PRICKLE1: variants seen among roughly 807,000 people sequenced by gnomAD.
The protein encoded by PRICKLE1 is prickle-like protein 1.
A neutral mutation model predicts 70.2 loss-of-function variants in PRICKLE1; 14 were observed. That is an observed-to-expected ratio of 0.20 (90% CI 0.13 to 0.31). PRICKLE1 has a LOEUF of 0.31. Ranked by LOEUF, PRICKLE1 falls within the 10% of genes least tolerant of loss-of-function variation. The probability of loss-of-function intolerance (pLI) is 1.00; values close to 1 mark genes in which losing one functional copy is unlikely to be tolerated. For missense variants in PRICKLE1, 821 were observed against 1,026.2 expected (o/e 0.80, Z 2.73); for synonymous variants, 357 against 379.9 (o/e 0.94, Z 0.70).
intron 1 of PRICKLE1, among the ~76,000 whole-genome samples, chr12:42,552,686 T>C (rs1180945777): frequency 2.0e-5 from 3 of 152,220 alleles, no homozygotes; most frequent in South Asian, 2.1e-4. Flanking sequence ...CTGTGAGTAG[T>C]AGTAGCAAGC....
chr12:42,578,411 G>A (rs1940838357), intron 1 of PRICKLE1, among the ~76,000 whole-genome samples: 1 of 152,036 alleles, frequency 6.6e-6, no homozygotes, highest in South Asian at 2.1e-4. Context: ...AGAGTGGCAT[G>A]GGTGTATTAT....
chr12:42,526,914 T>C (rs1478504393), intron 1 of PRICKLE1, among the ~76,000 whole-genome samples: 1 of 151,994 alleles, frequency 6.6e-6, no homozygotes, highest in African/African-American at 2.4e-5. Flanking sequence ...AATTACCAGA[T>C]GGAATCAAGA....
At chr12:42,503,399 AG>A (rs1939351209) in intron 1 of PRICKLE1, among the ~76,000 whole-genome samples, 1 of 152,164 alleles carries the variant, frequency 6.6e-6, no homozygotes, top group South Asian at 2.1e-4. Flanking sequence ...ATTGTACACA[AG>A]GGGATAGATT....
intron 1 of PRICKLE1, among the ~76,000 whole-genome samples, chr12:42,502,955 T>G (rs1426261779): frequency 6.6e-6 from 1 of 152,238 alleles, no homozygotes; most frequent in Non-Finnish European, 1.5e-5. Flanking sequence ...TTTTAAAGGT[T>G]TCTTAACCCT....
chr12:42,495,974 C>T (rs1337523950), intron 1 of PRICKLE1, among the ~76,000 whole-genome samples: 1 of 152,216 alleles, frequency 6.6e-6, no homozygotes, highest in Non-Finnish European at 1.5e-5. Flanking sequence ...TAACATCCTC[C>T]TGCGAATCAT....
intron 1 of PRICKLE1, among the ~76,000 whole-genome samples, chr12:42,501,453 T>C (rs1434766759): frequency 1.5e-5 from 2 of 137,302 alleles, no homozygotes; most frequent in Non-Finnish European, 3.0e-5. Context: ...GAGGTTGTAG[T>C]GAGCCAAGAT....
At chr12:42,573,382 C>T (rs1189008248) in intron 1 of PRICKLE1, among the ~76,000 whole-genome samples, 1 of 152,160 alleles carries the variant, frequency 6.6e-6, no homozygotes, top group Non-Finnish European at 1.5e-5. Context: ...ATTTATTCTT[C>T]TCTTTATTGA....
intron 1 of PRICKLE1, among the ~76,000 whole-genome samples, chr12:42,575,072 A>C (rs2120770039): frequency 6.6e-6 from 1 of 152,220 alleles, no homozygotes; most frequent in South Asian, 2.1e-4. Flanking sequence ...AAATGTCATA[A>C]AAGCATAATA....
chr12:42,504,929 C>T (rs1468053223), intron 1 of PRICKLE1, among the ~76,000 whole-genome samples: 1 of 151,976 alleles, frequency 6.6e-6, no homozygotes, highest in Non-Finnish European at 1.5e-5. Context: ...ATCACCAGGT[C>T]AGGGGTTTGA....
intron 1 of PRICKLE1, among the ~76,000 whole-genome samples, chr12:42,526,762 A>T (rs1265219334): frequency 6.6e-6 from 1 of 151,664 alleles, no homozygotes; most frequent in East Asian, 1.9e-4. Context: ...CCAAAAAAAA[A>T]AAAAAAATGC....
chr12:42,494,795 A>C (rs1939164672), intron 1 of PRICKLE1, among the ~76,000 whole-genome samples: 1 of 145,364 alleles, frequency 6.9e-6, no homozygotes, highest in Non-Finnish European at 1.5e-5. Flanking sequence ...TGACAGAGTG[A>C]GACTCTGTCT....
In PRICKLE1 at chr12:42,458,771, G is replaced by C. The variant is rs1158908180; in HGVS notation, c.*1038C>G. The C allele has an allele frequency of 6.6e-6, 1 of 152,146 alleles. No homozygotes were observed. The highest frequency in any genetic ancestry group is 1.5e-5 in the Non-Finnish European group (1 of 68,080). The allele number at this position is 152,146 out of a possible 1,614,324, so 9.4% of individuals were successfully genotyped here. A position where few individuals can be genotyped will look rare whatever the true frequency, so the allele number is the denominator to read the frequency against. On this transcript the variant is annotated 3_prime_UTR_variant, in exon 8 of 8. Coordinates refer to ENST00000345127, the MANE Select transcript of PRICKLE1 (RefSeq NM_153026.3). ...GAGAAAGGCACCCCCCGCAGGCAGG[G>C]GGAAAAAACCCACTCGCTGAAACAG...
chr12:42,588,485 A>C (rs1941019375), intron 1 of PRICKLE1, among the ~76,000 whole-genome samples: 1 of 151,828 alleles, frequency 6.6e-6, no homozygotes, highest in Admixed American at 6.6e-5. Flanking sequence ...GCAGATTTTT[A>C]CATGTTTTTT....
chr12:42,535,771 G>A (rs1592009765), intron 1 of PRICKLE1, among the ~76,000 whole-genome samples: 2 of 152,282 alleles, frequency 1.3e-5, no homozygotes, highest in East Asian at 3.9e-4. Flanking sequence ...GCAACAGAGT[G>A]AGAACCTGTC....
intron 1 of PRICKLE1, among the ~76,000 whole-genome samples, chr12:42,581,480 C>T (rs1048082803): frequency 6.6e-6 from 1 of 151,854 alleles, no homozygotes; most frequent in Non-Finnish European, 1.5e-5. Flanking sequence ...TGAGGTGGCT[C>T]ACACCTGTAA....
chr12:42,499,652 C>T (rs1389253368), intron 1 of PRICKLE1, among the ~76,000 whole-genome samples: 2 of 151,978 alleles, frequency 1.3e-5, no homozygotes, highest in Non-Finnish European at 2.9e-5. Flanking sequence ...AACTCCTGAC[C>T]TCAGGTGATC....
chr12:42,530,985 A>G (rs959264604), intron 1 of PRICKLE1, among the ~76,000 whole-genome samples: 3 of 150,248 alleles, frequency 2.0e-5, no homozygotes, highest in African/African-American at 7.4e-5. Context: ...GATTAATTTT[A>G]TAAGAAAAGT....
chr12:42,480,365 T>C (rs960503991), intron 1 of PRICKLE1, among the ~76,000 whole-genome samples: 120 of 152,070 alleles, frequency 7.9e-4, no homozygotes, highest in African/African-American at 2.7e-3. Context: ...AGTGGGAGGA[T>C]TGCTTGAGCC....
intron 1 of PRICKLE1, among the ~76,000 whole-genome samples, chr12:42,488,922 C>CTT (rs768868836): frequency 0.044 from 5,759 of 130,844 alleles, 383 homozygotes; most frequent in African/African-American, 0.13. Context: ...ATCAATCTAT[C>CTT]TTTTTTTTTT....
Sources: allele counts gnomAD v4.1 joint callset (sites outside exome capture counted in the v4.1 genomes callset), GRCh38; gene constraint gnomAD v4.1.1; transcripts MANE v1.5; gene names NCBI Gene and HGNC (gene_info 2026-07-23, HGNC 2026-07-21).